LRRC74A: variants seen among roughly 807,000 people sequenced by gnomAD.
The protein encoded by LRRC74A is leucine rich repeat containing 74A.
In LRRC74A, 44 loss-of-function variants were observed where a neutral mutation model predicts 57.9. That is an observed-to-expected ratio of 0.76 (90% confidence interval 0.60 to 0.98). The LOEUF (loss-of-function observed/expected upper bound fraction) is 0.98. Ranked by LOEUF, LRRC74A falls within the 50% of genes least tolerant of loss-of-function variation. The probability of loss-of-function intolerance (pLI) is 0.00; values close to 1 mark genes in which losing one functional copy is unlikely to be tolerated. For synonymous variants in LRRC74A, 211 were observed against 219.4 expected (o/e 0.96, Z 0.34); for missense variants, 572 against 574.0 (o/e 1.00, Z 0.04).
intron 5 of LRRC74A, among the ~76,000 whole-genome samples, chr14:76,838,397 A>C (rs929603613): frequency 3.3e-5 from 5 of 152,234 alleles, no homozygotes; most frequent in African/African-American, 7.2e-5. Flanking sequence ...ATTTATAGTC[A>C]CTGATATTAA....
chr14:76,839,588 T>C (rs187957171), intron 5 of LRRC74A, among the ~76,000 whole-genome samples: 29 of 152,338 alleles, frequency 1.9e-4, no homozygotes, highest in Non-Finnish European at 4.4e-5. Context: ...GCTATTATTG[T>C]CTTTGTTACT....
At chr14:76,859,534 CAAA>C (rs562270049) in intron 10 of LRRC74A, among the ~76,000 whole-genome samples, 3 of 91,520 alleles carry the variant, frequency 3.3e-5, no homozygotes, top group Admixed American at 1.2e-4. Context: ...AACTCCATCT[CAAA>C]AAAAAAAAAA....
At chr14:76,854,515 G>C (rs1299244586) in intron 9 of LRRC74A, among the ~76,000 whole-genome samples, 1 of 152,164 alleles carries the variant, frequency 6.6e-6, no homozygotes, top group Non-Finnish European at 1.5e-5. Flanking sequence ...GCTGAGGCAG[G>C]AGAATCACTG....
chr14:76,852,591 G>C (rs1308885823), intron 8 of LRRC74A, 141 bp downstream of exon 8: 16 of 450,810 alleles, frequency 3.5e-5, no homozygotes, highest in Non-Finnish European at 5.5e-5. Context: ...TCAAGTTATT[G>C]TTCTCCCTCC....
Position 76,837,940 on chromosome 14 carries a change from C to G in LRRC74A, c.513C>G (p.Asn171Lys). The change falls in exon 5 of 14, where the codon AAC (asparagine) becomes AAG (lysine). Residue 171 changes from asparagine to lysine, a missense_variant. Transcript: ENST00000689127. Reference sequence around the variant, plus strand: ...TCATCTCAGATTTCTTTGAGAGAAACAGTTCTTCTATCTGGAGCCTTGAGC... The same window carrying G: ...TCATCTCAGATTTCTTTGAGAGAAAGAGTTCTTCTATCTGGAGCCTTGAGC... ...ARIISDFFER[N>K]SSSIWSLELS... The G allele has an allele frequency of 1.3e-6, 2 of 1,583,960 alleles. No homozygotes were observed. The highest frequency in any genetic ancestry group is 1.7e-6 in the Non-Finnish European group (2 of 1,163,410).
Position 76,850,010 on chromosome 14 carries a change from C to T in LRRC74A, c.677-2355C>T, listed in dbSNP as rs1298690358. Reference sequence around the variant, plus strand: ...GATCACAAGGTCAGGAGATTGAGACCATCCTGGCTAACACGGTGAAACCCC... The same window carrying T: ...GATCACAAGGTCAGGAGATTGAGACTATCCTGGCTAACACGGTGAAACCCC... On this transcript the variant is annotated intron_variant, in intron 7 of 13. Coordinates refer to ENST00000689127, the MANE Select transcript of LRRC74A (RefSeq NM_001385106.1). 2.6e-5 allele frequency among the ~76,000 whole-genome samples: 4 copies of T among 152,076 alleles called. No individual in the cohort carries two copies. In the South Asian group the frequency reaches 8.3e-4, roughly 32 times the overall value.
chr14:76,827,922 G>A (rs183599823), intron 1 of LRRC74A, among the ~76,000 whole-genome samples: 498 of 140,442 alleles, frequency 3.5e-3, no homozygotes, highest in South Asian at 5.9e-3. Flanking sequence ...CCTATGTATC[G>A]GGACCCACCC....
rs142713488 is a variant in LRRC74A at position 76,853,345 on chromosome 14, G to A, written c.892G>A (p.Gly298Ser). ...CCTGGATATCGGTGGCAATGACATC[G>A]GCAATGAAGGGGCCTCCAAAATCAG... ...VYLDIGGNDIGNEGASKISKG... is the reference protein window; with the variant it reads ...VYLDIGGNDISNEGASKISKG... The change falls in exon 9 of 14, where the codon GGC becomes AGC. Residue 298 changes from glycine to serine, a missense_variant. Transcript: ENST00000689127. The A allele has an allele frequency of 9.9e-5, 159 of 1,613,240 alleles. No individual in the cohort carries two copies. In the African/African-American group the frequency reaches 2.0e-3, roughly 20 times the overall value.
chr14:76,855,532 T>C (rs927754511), intron 9 of LRRC74A, among the ~76,000 whole-genome samples: 5 of 152,248 alleles, frequency 3.3e-5, no homozygotes, highest in Non-Finnish European at 5.9e-5. Context: ...AAGACAAAAC[T>C]CTTAGTTTGG....
intron 9 of LRRC74A, among the ~76,000 whole-genome samples, chr14:76,855,644 C>T (rs1009064378): frequency 6.6e-6 from 1 of 152,084 alleles, no homozygotes; most frequent in Non-Finnish European, 1.5e-5. Context: ...TAAGGAATTC[C>T]CATTAGGAAG....
At chr14:76,828,664 T>C (rs375929129) in intron 2 of LRRC74A, 1 of 633,484 alleles carries the variant, frequency 1.6e-6, no homozygotes, top group Admixed American at 2.1e-5. Flanking sequence ...GTCGTCTTGT[T>C]AAAAGCGGAA....
At chr14:76,828,884 T>G (rs1225409807) in intron 2 of LRRC74A, 1 of 623,454 alleles carries the variant, frequency 1.6e-6, no homozygotes, top group Non-Finnish European at 2.4e-6. Flanking sequence ...CTCTGATGGT[T>G]CTGCCTTCTG....
rs1314343363 is a variant in LRRC74A, at chr14:76,826,472, CCAGA to C, written c.-221_-218del. The stretch of plus-strand genomic sequence containing the variant: ...TGAGCTGGAGAAGTAGCTACCTCTC[CCAGA>C]CAGAGTTGGGGTCAAATTCATGCAC... On this transcript the variant is annotated 5_prime_UTR_variant, in exon 1 of 14. The change abolishes the stop of an existing upstream ORF in the 5' untranslated region. Transcript: ENST00000689127. 6.6e-7 allele frequency: 1 copy of C among 1,520,622 alleles called. No individual in the cohort carries two copies. Among genetic ancestry groups the C allele is most frequent in the Admixed American group, 2.0e-5 (1 of 50,682 alleles). The allele number at this position is 1,520,622 out of a possible 1,614,324, so 94.2% of individuals were successfully genotyped here.
At position 76,844,879 on chromosome 14, in the gene LRRC74A, G is replaced by A. The variant is rs374431496; in HGVS notation, c.654G>A (p.Gly218=). The part of the protein sequence containing the change: ...LSHNQFSDVG[G]EHLGQMLAIN... The stretch of plus-strand genomic sequence containing the variant: ...ACAACCAATTCTCTGATGTAGGAGG[G>A]GAGCACCTGGGCCAGATGCTGGGTG... Residue 218 remains glycine, a synonymous_variant, in exon 7 of 14, where the codon GGG becomes GGA. Transcript: ENST00000689127. 3.2e-6 allele frequency: 5 copies of A among 1,586,590 alleles called. No homozygotes were observed. The highest frequency in any genetic ancestry group is 1.7e-4 in the Middle Eastern group (1 of 6,030).
intron 3 of LRRC74A, among the ~76,000 whole-genome samples, chr14:76,833,736 C>G (rs1219890345): frequency 6.6e-6 from 1 of 152,032 alleles, no homozygotes; most frequent in East Asian, 1.9e-4. Context: ...AGCCACCATG[C>G]CCTGGCAACA....
chr14:76,853,546 C>A, intron 9 of LRRC74A, 136 bp downstream of exon 9: 1 of 832,530 alleles, frequency 1.2e-6, no homozygotes, highest in Non-Finnish European at 1.8e-6. Flanking sequence ...TATGCATGTA[C>A]TTTTTACCAT....
intron 1 of LRRC74A, among the ~76,000 whole-genome samples, chr14:76,828,053 C>T (rs554613548): frequency 1.5e-4 from 23 of 152,216 alleles, no homozygotes; most frequent in Non-Finnish European, 2.8e-4. Context: ...AAGGAGCAGC[C>T]GGTCTCCAGG....
intron 2 of LRRC74A, among the ~76,000 whole-genome samples, chr14:76,830,621 T>G (rs541496184): frequency 6.6e-6 from 1 of 152,374 alleles, no homozygotes; most frequent in South Asian, 2.1e-4. Flanking sequence ...GCAAGCATGC[T>G]TGTTTCTCGC....
rs1566712612 is a variant in LRRC74A, at chr14:76,828,386, C to CG, written c.136dup (p.Glu46GlyfsTer10). ...GACTGTTGAAAAAGTGAAACCAGCC[C>CG]GGGAGAATTCGGAAACAGACCTGGA... On this transcript the variant is annotated frameshift_variant, in exon 2 of 14. Transcript: ENST00000689127. LOFTEE classifies it high-confidence loss of function. The CG allele has an allele frequency of 4.3e-6, 7 of 1,613,800 alleles. No individual in the cohort carries two copies. The highest frequency in any genetic ancestry group is 1.7e-5 in the Admixed American group (1 of 59,990).
Sources: allele counts gnomAD v4.1 joint callset (sites outside exome capture counted in the v4.1 genomes callset), GRCh38; gene constraint gnomAD v4.1.1; transcripts MANE v1.5; gene names NCBI Gene and HGNC (gene_info 2026-07-23, HGNC 2026-07-21).